STAG1: variants seen among roughly 807,000 people sequenced by gnomAD.
STAG1 encodes the protein STAG1 cohesin complex component, also known as cohesin subunit SA-1.
A neutral mutation model predicts 170.9 loss-of-function variants in STAG1; 26 were observed. That is an observed-to-expected ratio of 0.15 (90% CI 0.11 to 0.21). STAG1 has a LOEUF of 0.21. Among genes scored for constraint, STAG1 ranks in the 10% least tolerant of loss-of-function variants. The pLI is 1.00. For synonymous variants in STAG1, 514 were observed against 497.7 expected (o/e 1.03, Z -0.44); for missense variants, 964 against 1,509.5 (o/e 0.64, Z 5.99).
intron 1 of STAG1, among the ~76,000 whole-genome samples, chr3:136,713,292 A>T (rs1186288706): frequency 2.0e-5 from 3 of 151,798 alleles, no homozygotes; most frequent in Admixed American, 2.0e-4. Context: ...GACACAAAAA[A>T]TAGTGTGCAG....
intron 3 of STAG1, among the ~76,000 whole-genome samples, chr3:136,619,108 G>C: frequency 6.6e-6 from 1 of 151,854 alleles, no homozygotes; most frequent in East Asian, 1.9e-4. Context: ...GCTAACATTA[G>C]GACAATGTGC....
chr3:136,479,583 G>A lies in STAG1; in HGVS notation c.903-2171C>T, dbSNP rs1455251811. ...AGCAGCATGATTTATAGTCCTTTGG[G>A]TATATATCCAGTAACGGGATGGCTG... On this transcript the variant is annotated intron_variant, in intron 9 of 33. Transcript: ENST00000383202. 2.2e-4 allele frequency among the ~76,000 whole-genome samples: 14 copies of A among 63,892 alleles called. 6 individuals are homozygous for A. The highest frequency in any genetic ancestry group is 4.8e-4 in the Non-Finnish European group (14 of 28,886). The allele number at this position is 63,892 out of a possible 152,430, so 41.9% of individuals were successfully genotyped here. A position where few individuals can be genotyped will look rare whatever the true frequency, so the allele number is the denominator to read the frequency against.
Position 136,341,435 on chromosome 3 carries a change from A to G in STAG1, c.3557+6T>C. On this transcript the variant is annotated splice_donor_region_variant and intron_variant, in intron 31 of 33. Transcript: ENST00000383202. ...ATGTTCTTGTGATACTCCATGTAAC[A>G]CTTACACAGCATGCCTCACTCCAGT... 6.3e-7 allele frequency: 1 copy of G among 1,575,148 alleles called. No homozygotes were observed.
chr3:136,338,065 T>C lies in STAG1; in HGVS notation c.*189A>G. 1 of 564,630 alleles carries C rather than the reference T, an allele frequency of 1.8e-6. No homozygotes were observed. The allele number at this position is 564,630 out of a possible 1,614,324, so 35.0% of individuals were successfully genotyped here. ...CAGGTCAGTCTTTCTGAGTTGACAT[T>C]CACCAACATTCCCTTGGGTAATTTA... On this transcript the variant is annotated 3_prime_UTR_variant, in exon 34 of 34. Transcript: ENST00000383202.
At chr3:136,385,215 G>A (rs546228376) in intron 22 of STAG1, among the ~76,000 whole-genome samples, 1 of 152,296 alleles carries the variant, frequency 6.6e-6, no homozygotes, top group Admixed American at 6.5e-5. Flanking sequence ...TTGGGAGGGG[G>A]AGGCAGGAGG....
chr3:136,724,063 G>A (rs1658134027), intron 1 of STAG1, among the ~76,000 whole-genome samples: 1 of 151,622 alleles, frequency 6.6e-6, no homozygotes, highest in Admixed American at 6.6e-5. Context: ...TGGGAAGTGA[G>A]GAGCCCCTCT....
At chr3:136,422,903 C>A (rs1231092366) in intron 17 of STAG1, 46 bp from the exon 18 acceptor site, 1 of 1,588,598 alleles carries the variant, frequency 6.3e-7, no homozygotes, top group Non-Finnish European at 8.6e-7. Flanking sequence ...TTTAATAGTA[C>A]AATGAAAGCA....
chr3:136,489,734 A>T (rs2090086115), intron 9 of STAG1, among the ~76,000 whole-genome samples: 1 of 152,242 alleles, frequency 6.6e-6, no homozygotes, highest in Admixed American at 6.5e-5. Flanking sequence ...AGCTGAAAGA[A>T]TTACAGAAAA....
At chr3:136,453,811 A>T (rs971958833) in intron 13 of STAG1, among the ~76,000 whole-genome samples, 10 of 152,036 alleles carry the variant, frequency 6.6e-5, no homozygotes, top group Non-Finnish European at 1.3e-4. Flanking sequence ...TAAAAGTCAG[A>T]GTAGGCCTCT....
chr3:136,404,901 A>G (rs1035568111), intron 21 of STAG1, among the ~76,000 whole-genome samples: 1 of 151,848 alleles, frequency 6.6e-6, no homozygotes, highest in African/African-American at 2.4e-5. Flanking sequence ...GTATACATGC[A>G]TATTACCCAC....
At chr3:136,574,455 T>C (rs1329420043) in intron 4 of STAG1, among the ~76,000 whole-genome samples, 2 of 152,142 alleles carry the variant, frequency 1.3e-5, no homozygotes, top group African/African-American at 4.8e-5. Context: ...TGTGTGTATA[T>C]ACACATACAT....
At chr3:136,686,320 T>G (rs1187117691) in intron 1 of STAG1, among the ~76,000 whole-genome samples, 1 of 152,222 alleles carries the variant, frequency 6.6e-6, no homozygotes, top group African/African-American at 2.4e-5. Flanking sequence ...AGGCTTTAAT[T>G]GTCTCTCAGT....
At chr3:136,415,312 TA>T (rs772520137) in intron 21 of STAG1, among the ~76,000 whole-genome samples, 15 of 68,690 alleles carry the variant, frequency 2.2e-4, no homozygotes, top group East Asian at 5.9e-4. Flanking sequence ...TTGGTTATTA[TA>T]AAAAAAAAAC....
intron 16 of STAG1, among the ~76,000 whole-genome samples, chr3:136,432,038 A>AT (rs2088318454): frequency 1.3e-5 from 2 of 152,062 alleles, no homozygotes; most frequent in South Asian, 4.1e-4. Context: ...GATTCCCATT[A>AT]TACATATTTC....
intron 1 of STAG1, among the ~76,000 whole-genome samples, chr3:136,635,305 C>T (rs1331970764): frequency 6.6e-6 from 1 of 152,034 alleles, no homozygotes; most frequent in Non-Finnish European, 1.5e-5. Flanking sequence ...TCATGCAAGG[C>T]TGGTTCAACA....
chr3:136,661,391 G>A (rs952881128), intron 1 of STAG1, among the ~76,000 whole-genome samples: 1 of 152,160 alleles, frequency 6.6e-6, no homozygotes, highest in African/African-American at 2.4e-5. Context: ...GAGCCTATAT[G>A]ATGTCATAAG....
intron 21 of STAG1, among the ~76,000 whole-genome samples, chr3:136,415,910 T>G (rs776277865): frequency 6.6e-6 from 1 of 152,102 alleles, no homozygotes; most frequent in Non-Finnish European, 1.5e-5. Context: ...GCTGCTAAAA[T>G]GAACAAGAGT....
chr3:136,534,868 C>A (rs1576579546), intron 6 of STAG1, among the ~76,000 whole-genome samples: 1 of 152,284 alleles, frequency 6.6e-6, no homozygotes, highest in South Asian at 2.1e-4. Context: ...AATAGAACTA[C>A]CATATGATCC....
intron 3 of STAG1, chr3:136,609,084 AAGTCAAAGTGAAGAAAG>A (rs1939122347): frequency 6.6e-6 from 1 of 152,554 alleles, no homozygotes; most frequent in Non-Finnish European, 1.5e-5. Flanking sequence ...ACAGAGGTGG[AAGTCAAAGTGAAGAAAG>A]AGTCAAAGAG....
Sources: gnomAD v4.1 joint callset for allele counts (sites outside exome capture counted in the v4.1 genomes callset) on GRCh38, gnomAD v4.1.1 for gene constraint, MANE v1.5 for transcripts, NCBI Gene and HGNC (gene_info 2026-07-23, HGNC 2026-07-21) for gene names.